Variants in NOX4 observed in about 807,000 individuals in gnomAD.
NOX4 encodes NADPH oxidase 4, also known as kidney oxidase-1.
Under a neutral mutation model 87.6 loss-of-function variants are expected in NOX4, and 69 were observed. The observed-to-expected ratio is 0.79, with a 90% CI of 0.65 to 0.96. The LOEUF (loss-of-function observed/expected upper bound fraction) is 0.96. Among genes scored for constraint, NOX4 ranks in the 40% least tolerant of loss-of-function variants. NOX4 has a pLI of 0.00. For missense variants in NOX4, 680 were observed against 681.5 expected (o/e 1.00, Z 0.02); for synonymous variants, 275 against 238.2 (o/e 1.15, Z -1.42).
the NOX4 span, among the ~76,000 whole-genome samples, chr11:89,509,945 G>A: frequency 1.1e-4 from 16 of 152,082 alleles, no homozygotes; most frequent in East Asian, 9.7e-4. Flanking sequence ...AGAAATGACC[G>A]GGTAATGATG....
intron 2 of NOX4, among the ~76,000 whole-genome samples, chr11:89,466,886 C>G (rs998887963): frequency 6.6e-6 from 1 of 151,890 alleles, no homozygotes; most frequent in African/African-American, 2.4e-5. Flanking sequence ...GACATCCATG[C>G]AGGGAAAAAA....
At chr11:89,371,429 G>A (rs1939439159) in intron 12 of NOX4, among the ~76,000 whole-genome samples, 1 of 151,906 alleles carries the variant, frequency 6.6e-6, no homozygotes, top group Admixed American at 6.6e-5. Context: ...GATTAAAATA[G>A]TAAGACATCA....
intron 6 of NOX4, among the ~76,000 whole-genome samples, chr11:89,433,221 T>TTA (rs1242243707): frequency 1.3e-5 from 2 of 152,078 alleles, no homozygotes; most frequent in African/African-American, 4.8e-5. Flanking sequence ...ATATAATACA[T>TTA]TATTGCTTAC....
the NOX4 span, among the ~76,000 whole-genome samples, chr11:89,531,839 T>C: frequency 6.6e-6 from 1 of 152,138 alleles, no homozygotes; most frequent in Admixed American, 6.5e-5. Flanking sequence ...GGCCCTGCTG[T>C]TTTGTGCAGC....
At chr11:89,504,678 T>C in the NOX4 span, among the ~76,000 whole-genome samples, 15,673 of 152,036 alleles carry the variant, frequency 0.1, 1,090 homozygotes, top group Middle Eastern at 0.18. Context: ...ATCAGGATAT[T>C]TGTAAGTAGA....
intron 8 of NOX4, among the ~76,000 whole-genome samples, chr11:89,405,734 C>A (rs1942133498): frequency 7.0e-6 from 1 of 142,656 alleles, no homozygotes; most frequent in African/African-American, 2.7e-5. Context: ...ATTGAAAGGC[C>A]ACCTACTGGT....
chr11:89,553,422 C>T, the NOX4 span, among the ~76,000 whole-genome samples: 3 of 152,252 alleles, frequency 2.0e-5, no homozygotes, highest in East Asian at 3.9e-4. Flanking sequence ...CTGAGGCCTT[C>T]CCAGCCATGT....
At chr11:89,389,775 A>G (rs1940996600) in intron 11 of NOX4, among the ~76,000 whole-genome samples, 1 of 152,170 alleles carries the variant, frequency 6.6e-6, no homozygotes, top group African/African-American at 2.4e-5. Context: ...AGTGCAGAAC[A>G]GTTAATAACA....
intron 13 of NOX4, among the ~76,000 whole-genome samples, chr11:89,346,653 C>T (rs1233789523): frequency 2.6e-5 from 4 of 151,456 alleles, no homozygotes; most frequent in Non-Finnish European, 5.9e-5. Context: ...AAATTTTAGC[C>T]ACCTAACCTC....
chr11:89,485,428 A>G (rs1946554021), intron 2 of NOX4, among the ~76,000 whole-genome samples: 3 of 152,050 alleles, frequency 2.0e-5, no homozygotes, highest in Admixed American at 1.3e-4. Context: ...ACTAAGACAC[A>G]TTGAATCTGA....
chr11:89,564,572 G>T, the NOX4 span, among the ~76,000 whole-genome samples: 1 of 152,078 alleles, frequency 6.6e-6, no homozygotes, highest in Non-Finnish European at 1.5e-5. Context: ...GAATCTAAGA[G>T]TAGTGACAAA....
upstream of NOX4, chr11:89,499,252 T>C (rs1223857063): frequency 6.6e-6 from 1 of 152,192 alleles, no homozygotes; most frequent in Non-Finnish European, 1.5e-5. Context: ...CTCAGTGAAC[T>C]AGAGGCTGCA....
At chr11:89,498,537 T>A (rs1035810756), upstream of NOX4, among the ~76,000 whole-genome samples, 1 of 152,078 alleles carries the variant, frequency 6.6e-6, no homozygotes, top group African/African-American at 2.4e-5. Context: ...CACATACGAA[T>A]GAAAATAGAA....
the NOX4 span, among the ~76,000 whole-genome samples, chr11:89,572,983 C>A: frequency 2.0e-5 from 3 of 152,030 alleles, no homozygotes; most frequent in African/African-American, 7.2e-5. Context: ...CCCAAATTAA[C>A]TCAGCATTTA....
the NOX4 span, among the ~76,000 whole-genome samples, chr11:89,512,623 A>C: frequency 3.9e-5 from 6 of 152,134 alleles, no homozygotes; most frequent in Admixed American, 6.6e-5. Flanking sequence ...TAGGCTGAGT[A>C]ATATTACATT....
At chr11:89,521,616 C>A in the NOX4 span, among the ~76,000 whole-genome samples, 1 of 151,454 alleles carries the variant, frequency 6.6e-6, no homozygotes, top group Non-Finnish European at 1.5e-5. Context: ...GGACATCAGC[C>A]TTGGAAAAAA....
chr11:89,446,345 C>T (rs1383202677), intron 4 of NOX4, among the ~76,000 whole-genome samples: 4 of 152,056 alleles, frequency 2.6e-5, no homozygotes, highest in African/African-American at 4.8e-5. Context: ...CACATGATCT[C>T]GCACTCATAC....
intron 8 of NOX4, among the ~76,000 whole-genome samples, chr11:89,419,436 T>G (rs1942969378): frequency 6.6e-6 from 1 of 151,950 alleles, no homozygotes; most frequent in African/African-American, 2.4e-5. Context: ...TTTTTTAATT[T>G]TGAGAAAATG....
chr11:89,354,537 A>C (rs1937849706), intron 13 of NOX4, among the ~76,000 whole-genome samples: 1 of 152,204 alleles, frequency 6.6e-6, no homozygotes, highest in Non-Finnish European at 1.5e-5. Flanking sequence ...ATATGTAGAG[A>C]TTGTCAAAAA....
Sources: gnomAD v4.1 joint callset for allele counts (sites outside exome capture counted in the v4.1 genomes callset) on GRCh38, gnomAD v4.1.1 for gene constraint, MANE v1.5 for transcripts, NCBI Gene and HGNC (gene_info 2026-07-23, HGNC 2026-07-21) for gene names.